Variants in FER observed in about 807,000 individuals in gnomAD.
The protein encoded by FER is FER tyrosine kinase, also known as tyrosine-protein kinase Fer.
In FER, 63 loss-of-function variants were observed where a neutral mutation model predicts 111.0. The observed-to-expected ratio is 0.57, with a 90% CI of 0.46 to 0.70. FER has a LOEUF of 0.70. Ranked by LOEUF, FER falls within the 30% of genes least tolerant of loss-of-function variation. FER has a pLI of 0.00. For synonymous variants in FER, 327 were observed against 313.9 expected (o/e 1.04, Z -0.44); for missense variants, 914 against 954.0 (o/e 0.96, Z 0.55).
intron 17 of FER, among the ~76,000 whole-genome samples, chr5:109,158,813 T>C (rs1755688848): frequency 1.3e-5 from 2 of 152,184 alleles, no homozygotes; most frequent in African/African-American, 2.4e-5. Context: ...CTTAGAATGC[T>C]CTTCCTTTCT....
At chr5:108,985,354 CT>C (rs1373905939) in intron 13 of FER, among the ~76,000 whole-genome samples, 5 of 152,004 alleles carry the variant, frequency 3.3e-5, no homozygotes, top group African/African-American at 1.2e-4. Flanking sequence ...ACTCTTTGAC[CT>C]TTTAATATTT....
intron 17 of FER, among the ~76,000 whole-genome samples, chr5:109,133,743 A>G (rs9326761): frequency 0.31 from 47,501 of 151,982 alleles, 7,674 homozygotes; most frequent in African/African-American, 0.38. Flanking sequence ...ACTATATTCT[A>G]TGTATTTCCC....
At chr5:108,816,153 A>G (rs1369558409) in intron 3 of FER, among the ~76,000 whole-genome samples, 2 of 152,092 alleles carry the variant, frequency 1.3e-5, no homozygotes, top group Admixed American at 6.5e-5. Context: ...GTTCCCACAC[A>G]ATTGACATAT....
intron 17 of FER, among the ~76,000 whole-genome samples, chr5:109,126,431 T>C (rs1751737667): frequency 1.3e-5 from 2 of 152,200 alleles, no homozygotes; most frequent in South Asian, 4.1e-4. Context: ...ACACAGAAAG[T>C]TCTTGGAAGA....
chr5:108,843,475 A>T (rs1761484709), intron 5 of FER, among the ~76,000 whole-genome samples: 2 of 152,148 alleles, frequency 1.3e-5, no homozygotes, highest in South Asian at 4.2e-4. Context: ...TAAATGCCAG[A>T]GATATAAAAA....
intron 10 of FER, among the ~76,000 whole-genome samples, chr5:108,926,859 A>T (rs931980287): frequency 6.6e-6 from 1 of 151,014 alleles, no homozygotes; most frequent in Non-Finnish European, 1.5e-5. Flanking sequence ...ATTATTTATG[A>T]TTTTTTTTTC....
At chr5:108,972,745 A>G (rs1760832062) in intron 13 of FER, among the ~76,000 whole-genome samples, 1 of 152,218 alleles carries the variant, frequency 6.6e-6, no homozygotes, top group Non-Finnish European at 1.5e-5. Flanking sequence ...AATATAAACA[A>G]GACTCATATT....
At chr5:108,992,084 G>C (rs150492720) in intron 13 of FER, among the ~76,000 whole-genome samples, 17,526 of 151,640 alleles carry the variant, frequency 0.12, 1,105 homozygotes, top group Middle Eastern at 0.15. Flanking sequence ...GACTCTTAAC[G>C]AGCATGCTGC....
intron 18 of FER, among the ~76,000 whole-genome samples, chr5:109,185,847 A>C (rs1758798115): frequency 6.6e-6 from 1 of 152,260 alleles, no homozygotes; most frequent in South Asian, 2.1e-4. Context: ...CAGTTTCATC[A>C]TTCCATGATC....
At chr5:109,054,666 T>G (rs1773394942) in intron 16 of FER, among the ~76,000 whole-genome samples, 1 of 151,164 alleles carries the variant, frequency 6.6e-6, no homozygotes, top group Non-Finnish European at 1.5e-5. Context: ...AGAAAACTGT[T>G]GAACCCAAGG....
intron 17 of FER, among the ~76,000 whole-genome samples, chr5:109,129,372 T>A (rs932884899): frequency 6.6e-6 from 1 of 152,064 alleles, no homozygotes; most frequent in African/African-American, 2.4e-5. Context: ...TTTTCATATC[T>A]ATGTATACTT....
At chr5:109,186,714 A>G (rs556246017) in intron 19 of FER, among the ~76,000 whole-genome samples, 60 of 152,330 alleles carry the variant, frequency 3.9e-4, no homozygotes, top group African/African-American at 1.4e-3. Context: ...ATATGACAAC[A>G]TTGTAGCACT....
chr5:109,165,595 TG>T lies in FER; in HGVS notation c.2049-15151del, dbSNP rs1464775658. On this transcript the variant is annotated intron_variant, in intron 17 of 19. Coordinates refer to ENST00000281092, the MANE Select transcript of FER (RefSeq NM_005246.4). ...CACACAGGTGGGAGGAGGGAACTGG[TG>T]TGTGTGTGTGTGTGTGTGTGTGTGT... Among the ~76,000 whole-genome samples the T allele has an allele frequency of 3.7e-3, 168 of 45,842 alleles. No homozygotes were observed. The Middle Eastern group carries it at 0.043, about 12-fold the overall frequency. 30.1% of individuals were successfully genotyped at this position (45,842 alleles called of 152,430 possible). A position where few individuals can be genotyped will look rare whatever the true frequency, so the allele number is the denominator to read the frequency against.
intron 13 of FER, among the ~76,000 whole-genome samples, chr5:108,971,015 A>G (rs1228216901): frequency 3.3e-5 from 5 of 152,166 alleles, no homozygotes; most frequent in Non-Finnish European, 5.9e-5. Context: ...TGTGAGATAT[A>G]TACATAACTC....
At chr5:109,151,162 A>C (rs1310644384) in intron 17 of FER, among the ~76,000 whole-genome samples, 1 of 152,126 alleles carries the variant, frequency 6.6e-6, no homozygotes, top group East Asian at 1.9e-4. Flanking sequence ...CAGATTTTTT[A>C]AAAAATCACT....
intron 6 of FER, 53 bp downstream of exon 6, chr5:108,868,003 A>G (rs1286303695): frequency 3.3e-6 from 5 of 1,529,194 alleles, no homozygotes; most frequent in South Asian, 2.4e-5. Flanking sequence ...TGATTTCAAC[A>G]TATTTTCTCT....
chr5:108,847,462 G>A (rs981838895), intron 5 of FER, among the ~76,000 whole-genome samples: 7 of 152,078 alleles, frequency 4.6e-5, no homozygotes, highest in African/African-American at 1.7e-4. Context: ...ATGTGCACTT[G>A]ATAAGAATGT....
At position 109,062,308 on chromosome 5, in the gene FER, G is replaced by A. The variant is rs567669163; in HGVS notation, c.1924+15110G>A. Reference sequence around the variant, plus strand: ...GCAGCCAAGGTGGGGTCGATCACTCGAGGCCGGGAGTTCAAGACCAGCCTG... The same window carrying A: ...GCAGCCAAGGTGGGGTCGATCACTCAAGGCCGGGAGTTCAAGACCAGCCTG... On this transcript the variant is annotated intron_variant, in intron 16 of 19. Transcript: ENST00000281092. Among the ~76,000 whole-genome samples the A allele has an allele frequency of 3.5e-4, 53 of 152,116 alleles. 1 individual carries two copies. Among genetic ancestry groups the A allele is most frequent in the Middle Eastern group, 6.8e-3 (2 of 294 alleles).
intron 13 of FER, among the ~76,000 whole-genome samples, chr5:109,031,491 T>A (rs1033839329): frequency 1.3e-4 from 20 of 151,810 alleles, no homozygotes; most frequent in African/African-American, 2.2e-4. Flanking sequence ...CTCACATTTT[T>A]AAAAAAAAAT....
Sources: allele counts gnomAD v4.1 joint callset (sites outside exome capture counted in the v4.1 genomes callset), GRCh38; gene constraint gnomAD v4.1.1; transcripts MANE v1.5; gene names NCBI Gene and HGNC (gene_info 2026-07-23, HGNC 2026-07-21).